Variants in CERS5 observed in about 807,000 individuals in gnomAD.
The protein encoded by CERS5 is ceramide synthase 5.
A neutral mutation model predicts 58.9 loss-of-function variants in CERS5; 37 were observed. The observed-to-expected ratio is 0.63, with a 90% confidence interval of 0.48 to 0.83. CERS5 has a LOEUF of 0.83. Ranked by LOEUF, CERS5 falls within the 40% of genes least tolerant of loss-of-function variation. The probability of loss-of-function intolerance (pLI) is 0.00; values close to 1 mark genes in which losing one functional copy is unlikely to be tolerated. For synonymous variants in CERS5, 147 were observed against 177.8 expected (o/e 0.83, Z 1.38); for missense variants, 398 against 489.3 (o/e 0.81, Z 1.76).
At chr12:50,162,326 C>T (rs1374392298) in intron 1 of CERS5, among the ~76,000 whole-genome samples, 1 of 151,808 alleles carries the variant, frequency 6.6e-6, no homozygotes, top group African/African-American at 2.4e-5. Context: ...AGATGAACGG[C>T]CCTATCAGTG....
chr12:50,140,863 G>A (rs1393989260), intron 4 of CERS5, among the ~76,000 whole-genome samples: 1 of 148,410 alleles, frequency 6.7e-6, no homozygotes, highest in Non-Finnish European at 1.5e-5. Flanking sequence ...TTTGCCTAGG[G>A]TTTAGGTCAA....
At chr12:50,150,507 A>G (rs556594502) in intron 1 of CERS5, among the ~76,000 whole-genome samples, 2 of 152,328 alleles carry the variant, frequency 1.3e-5, no homozygotes, top group African/African-American at 4.8e-5. Context: ...TGGGTATGAT[A>G]TATATATAGA....
chr12:50,133,027 T>G, intron 9 of CERS5: 1 of 1,288,524 alleles, frequency 7.8e-7, no homozygotes, highest in Non-Finnish European at 1.0e-6. Flanking sequence ...GAGGAAAGAG[T>G]GGAGAGTACA....
chr12:50,164,412 G>A (rs1270371207), intron 1 of CERS5, among the ~76,000 whole-genome samples: 1 of 152,030 alleles, frequency 6.6e-6, no homozygotes, highest in African/African-American at 2.4e-5. Flanking sequence ...GCCTGGGTGA[G>A]GCTGAGACCC....
chr12:50,159,075 A>T (rs1247139214), intron 1 of CERS5, among the ~76,000 whole-genome samples: 1 of 152,174 alleles, frequency 6.6e-6, no homozygotes, highest in African/African-American at 2.4e-5. Context: ...TAATCCCAGC[A>T]CTTTGAGAGG....
chr12:50,154,129 C>G (rs1449071463), intron 1 of CERS5: 1 of 255,672 alleles, frequency 3.9e-6, no homozygotes, highest in African/African-American at 2.4e-5. Flanking sequence ...CCGAGGCAGG[C>G]AGATCACGAG....
At chr12:50,147,769 A>C (rs1952375025) in intron 1 of CERS5, among the ~76,000 whole-genome samples, 1 of 152,070 alleles carries the variant, frequency 6.6e-6, no homozygotes, top group African/African-American at 2.4e-5. Flanking sequence ...ATAAAACGTA[A>C]TGAGTTCATT....
At chr12:50,157,718 C>CA (rs1037860061) in intron 1 of CERS5, among the ~76,000 whole-genome samples, 10 of 149,044 alleles carry the variant, frequency 6.7e-5, no homozygotes, top group East Asian at 2.0e-4. Context: ...AGAAATTGTC[C>CA]AAAAAAAAAG....
Position 50,134,756 on chromosome 12 carries a change from G to A in CERS5, c.873-54C>T, listed in dbSNP as rs1020065846. ...CTAGAGTCAAAGCTCAGCAGACAGG[G>A]ATGAAGCTGAGTCCTGGGGATGCAG... On this transcript the variant is annotated intron_variant, in intron 8 of 9. Coordinates refer to ENST00000317551, the MANE Select transcript of CERS5 (RefSeq NM_147190.5). 2.6e-6 allele frequency: 4 copies of A among 1,532,272 alleles called. No homozygotes were observed. The African/African-American group carries it at 5.5e-5, about 21-fold the overall frequency. The allele number at this position is 1,532,272 out of a possible 1,614,324, so 94.9% of individuals were successfully genotyped here.
intron 1 of CERS5, among the ~76,000 whole-genome samples, chr12:50,155,736 CAAAAAAAAAAA>C (rs146913126): frequency 7.9e-4 from 17 of 21,478 alleles, no homozygotes; most frequent in Admixed American, 5.4e-3. Context: ...GACTCCATCT[CAAAAAAAAAAA>C]AAAAAAAAAA....
intron 1 of CERS5, among the ~76,000 whole-genome samples, chr12:50,161,508 G>A (rs1227347010): frequency 1.3e-5 from 2 of 152,128 alleles, no homozygotes; most frequent in Non-Finnish European, 2.9e-5. Flanking sequence ...CAGATGCGGT[G>A]GCTCACGCCT....
Position 50,135,972 on chromosome 12 carries a change from C to T in CERS5, c.734G>A (p.Cys245Tyr). 6.5e-7 allele frequency: 1 copy of T among 1,527,644 alleles called. No individual in the cohort carries two copies. Among genetic ancestry groups the T allele is most frequent in the Non-Finnish European group, 8.8e-7 (1 of 1,141,004 alleles). The allele number at this position is 1,527,644 out of a possible 1,614,324, so 94.6% of individuals were successfully genotyped here. The part of the protein sequence containing the change: ...NMVRVGTLIM[C>Y]LHDVSDFLLE... ...CAAGAAGTCTGAGACATCATGTAGA[C>T]ACATGATCAGAGTTCCCACTCGAAC... Residue 245 changes from cysteine to tyrosine, a missense_variant, in exon 7 of 10, where the codon TGT (cysteine) becomes TAT (tyrosine). Physicochemically the swap from Cys to Tyr is radical, Grantham distance 194. Transcript: ENST00000317551.
Position 50,142,054 on chromosome 12 carries a change from G to C in CERS5, c.491C>G (p.Ser164Trp). The stretch of plus-strand genomic sequence containing the variant: ...GGACTAGAGAAAGTTAAGACTCACC[G>C]ACCAGAGAAATCTAATTCCATAGCA... ...IFCYGIRFLW[S>W]SPWFWDIRQC... The change falls in exon 4 of 10, where the codon TCG becomes TGG. Residue 164 changes from serine (S) to tryptophan (W), a missense_variant and splice_region_variant. Around this residue, in one of 3 missense-constraint regions of CERS5, gnomAD observed 328 missense variants for 384.5 expected, o/e 0.85. Transcript: ENST00000317551. 6.3e-7 allele frequency: 1 copy of C among 1,586,920 alleles called. No individual in the cohort carries two copies. Among genetic ancestry groups the C allele is most frequent in the East Asian group, 2.2e-5 (1 of 44,742 alleles).
rs1209725030 is a variant in CERS5, at chr12:50,130,574, T to C, written c.1150A>G (p.Met384Val). ...TCTTCAGCCCAGTAGCTGCCTCCCATGTGACCATTCACCCGATTGGCACCA... is the reference window on the plus strand; with the variant it reads ...TCTTCAGCCCAGTAGCTGCCTCCCACGTGACCATTCACCCGATTGGCACCA... ...SNGANRVNGH[M>V]GGSYWAEE is the part of the protein sequence containing the mutation. The change falls in exon 10 of 10, where the codon ATG becomes GTG. Residue 384 changes from methionine to valine, a missense_variant. Transcript: ENST00000317551. 6.2e-7 allele frequency: 1 copy of C among 1,611,532 alleles called. No individual in the cohort carries two copies. The highest frequency in any genetic ancestry group is 1.3e-5 in the African/African-American group (1 of 74,910).
rs1282303459 is a variant in CERS5 at position 50,130,000 on chromosome 12, A to G, written c.*545T>C. On this transcript the variant is annotated 3_prime_UTR_variant, in exon 10 of 10. Coordinates refer to ENST00000317551, the MANE Select transcript of CERS5 (RefSeq NM_147190.5). ...TAGGAAGGGGATCTAGCTAGGGACC[A>G]CGGCAATCCTGGCCATCCATCCATG... The G allele has an allele frequency of 6.6e-6, 1 of 152,598 alleles. No homozygotes were observed. The highest frequency in any genetic ancestry group is 1.5e-5 in the Non-Finnish European group (1 of 68,096). The allele number at this position is 152,598 out of a possible 1,614,324, so 9.5% of individuals were successfully genotyped here.
intron 1 of CERS5, chr12:50,154,232 A>T (rs746619609): frequency 2.5e-5 from 9 of 355,496 alleles, no homozygotes; most frequent in Non-Finnish European, 3.9e-5. Context: ...ACATGCCTGT[A>T]ATCCTAGCTA....
intron 1 of CERS5, among the ~76,000 whole-genome samples, chr12:50,148,969 T>TGTGTGC (rs1278516191): frequency 8.6e-5 from 12 of 140,102 alleles, no homozygotes; most frequent in African/African-American, 2.7e-4. Context: ...TGTGTGTGTG[T>TGTGTGC]GCGTGTAGAC....
intron 1 of CERS5, among the ~76,000 whole-genome samples, chr12:50,164,001 C>A (rs2138300163): frequency 6.7e-6 from 1 of 149,376 alleles, no homozygotes; most frequent in East Asian, 1.9e-4. Context: ...CCTCTGCAGC[C>A]CAGGCTGGAG....
chr12:50,141,728 C>T (rs1298620441), intron 4 of CERS5, among the ~76,000 whole-genome samples: 2 of 151,798 alleles, frequency 1.3e-5, no homozygotes, highest in East Asian at 3.9e-4. Context: ...CACCTGAGGT[C>T]AGGAGTTCAA....
Sources: gnomAD v4.1 joint callset for allele counts (sites outside exome capture counted in the v4.1 genomes callset) on GRCh38, gnomAD v4.1.1 for gene constraint, gnomAD v4.1.1 regional missense constraint, MANE v1.5 for transcripts, NCBI Gene and HGNC (gene_info 2026-07-23, HGNC 2026-07-21) for gene names.